SCRIB: variants seen among roughly 807,000 people sequenced by gnomAD.
The protein encoded by SCRIB is protein scribble homolog.
Under a neutral mutation model 170.0 loss-of-function variants are expected in SCRIB, and 72 were observed. That is an observed-to-expected ratio of 0.42 (90% CI 0.35 to 0.52). The LOEUF is 0.52. SCRIB is among the 20% of genes least tolerant of loss of function. The pLI, the probability that SCRIB is intolerant of heterozygous loss-of-function variation, is 0.02. For synonymous variants in SCRIB, 1,298 were observed against 1,044.3 expected, an observed-to-expected ratio of 1.24 and a Z score of -4.68; for missense variants, 2,475 against 2,338.5, an observed-to-expected ratio of 1.06 and a Z score of -1.20.
rs782128429 is a variant in SCRIB at position 143,793,976 on chromosome 8, CAGTG to C, written c.3847-18_3847-15del. 2 of 1,611,682 alleles carry C rather than the reference CAGTG, an allele frequency of 1.2e-6. No individual in the cohort carries two copies. The highest frequency in any genetic ancestry group is 1.7e-4 in the Middle Eastern group (1 of 6,036). ...TCCAGACGGTACCTGGAGGAGTAGG[CAGTG>C]GGTGGGGTGAGGATGGGCAGGGCTG... is the stretch of plus-strand genomic sequence containing the variant. On this transcript the variant is annotated splice_polypyrimidine_tract_variant and intron_variant, in intron 27 of 36. Coordinates refer to ENST00000356994, the MANE Select transcript of SCRIB (RefSeq NM_182706.5).
chr8:143,795,786 C>T lies in SCRIB; in HGVS notation c.3604-256G>A, dbSNP rs151177925. On this transcript the variant is annotated intron_variant, in intron 24 of 36. Coordinates refer to ENST00000356994, the MANE Select transcript of SCRIB (RefSeq NM_182706.5). ...TGGACGTGGTCACGTCTGCACTAGG[C>T]AAGACTGTGAAGTAGCATGATGCCT... 6.7e-3 allele frequency among the ~76,000 whole-genome samples: 1,027 copies of T among 152,298 alleles called. 13 individuals are homozygous for T. Among genetic ancestry groups the T allele is most frequent in the African/African-American group, 0.022 (922 of 41,554 alleles).
rs571194020 is a variant in SCRIB at position 143,811,290 on chromosome 8, C to T, written c.962G>A (p.Arg321Gln). The T allele has an allele frequency of 1.8e-5, 29 of 1,612,694 alleles. No homozygotes were observed. Among genetic ancestry groups the T allele is most frequent in the East Asian group, 1.3e-4 (6 of 44,876 alleles). ...GGGCGGCAGCGCCTCGAGGTGGTTC[C>T]GGTCCACGTTGAGGTTGGTCAGCTT... ...LTKLTNLNVD[R>Q]NHLEALPPEI... Residue 321 changes from arginine to glutamine, a missense_variant, in exon 10 of 37, where the codon CGG (arginine) becomes CAG (glutamine). Physicochemically the swap from Arg to Gln is conservative, Grantham distance 43. This residue lies in a region of SCRIB where 487 missense variants were observed against 558.1 expected (regional missense o/e 0.87). Coordinates refer to ENST00000356994, the MANE Select transcript of SCRIB (RefSeq NM_182706.5).
rs762917921 is a variant in SCRIB at position 143,815,321 on chromosome 8, C to G, written c.52G>C (p.Asp18His). ...GCCTGCAGCGAACAGTGCCGCTTGT[C>G]CACCGACTCCACGTGCCGGTTGCAG... Reference protein sequence around the residue: ...WRCNRHVESVDKRHCSLQAVP... With the variant: ...WRCNRHVESVHKRHCSLQAVP... The change falls in exon 1 of 37, where the codon GAC (aspartate) becomes CAC (histidine). Residue 18 changes from aspartate (D) to histidine (H), a missense_variant. Coordinates refer to ENST00000356994, the MANE Select transcript of SCRIB (RefSeq NM_182706.5). The G allele has an allele frequency of 6.4e-7, 1 of 1,574,106 alleles. No homozygotes were observed. The highest frequency in any genetic ancestry group is 1.2e-5 in the South Asian group (1 of 86,726).
intron 13 of SCRIB, 96 bp from the exon 14 acceptor site, chr8:143,809,814 C>T: frequency 7.2e-7 from 1 of 1,382,846 alleles, no homozygotes; most frequent in African/African-American, 1.4e-5. Context: ...CCCTGAGCTT[C>T]CCGCTGCCCC....
chr8:143,811,697 C>G (rs1815731940), intron 9 of SCRIB, among the ~76,000 whole-genome samples: 1 of 152,280 alleles, frequency 6.6e-6, no homozygotes, highest in African/African-American at 2.4e-5. Flanking sequence ...TAGGGCTCCC[C>G]AGGCCCCCAG....
intron 13 of SCRIB, 117 bp downstream of exon 13, chr8:143,810,361 TC>T: frequency 7.0e-7 from 1 of 1,423,314 alleles, no homozygotes; most frequent in Non-Finnish European, 9.5e-7. Context: ...GTCACCAGCC[TC>T]ATCTCCTGCT....
In SCRIB at chr8:143,792,150, G is replaced by A. The variant is rs1386305450; in HGVS notation, c.4515-17C>T. 2.6e-6 allele frequency: 4 copies of A among 1,561,248 alleles called. No homozygotes were observed. In the Admixed American group the frequency reaches 5.4e-5, roughly 21 times the overall value. On this transcript the variant is annotated splice_polypyrimidine_tract_variant and intron_variant, in intron 32 of 36. Transcript: ENST00000356994. ...GACTTCATCCTGCAGAGAACAGCGG[G>A]CAGGGGTGACTTGGGGCAGGAGCAG...
intron 28 of SCRIB, 89 bp from the exon 29 acceptor site, chr8:143,793,172 T>C (rs1477338273): frequency 8.6e-6 from 6 of 695,094 alleles, no homozygotes; most frequent in African/African-American, 1.9e-5. Flanking sequence ...CCCCCGCCTG[T>C]CCCCCCGCCT....
chr8:143,804,696 G>A lies in SCRIB; in HGVS notation c.2881C>T (p.His961Tyr), dbSNP rs781913947. 3.2e-6 allele frequency: 5 copies of A among 1,571,906 alleles called. No individual in the cohort carries two copies. Among genetic ancestry groups the A allele is most frequent in the Admixed American group, 3.5e-5 (2 of 57,418 alleles). The change falls in exon 21 of 37, where the codon CAT (histidine) becomes TAT (tyrosine). Residue 961 changes from histidine (H) to tyrosine (Y), a missense_variant. Physicochemically the swap from His to Tyr is moderately conservative, Grantham distance 83 (BLOSUM62 2). Around this residue, in one of 3 missense-constraint regions of SCRIB, gnomAD observed 1,966 missense variants for 1,742.9 expected, o/e 1.13. Coordinates refer to ENST00000356994, the MANE Select transcript of SCRIB (RefSeq NM_182706.5). ...ACAGCAGCGGTGGGGGGTGAGGAAT[G>A]TGGCAGAGGGCTGGGAGGAAGAGGG... ...GGPLPPSPLP[H>Y]SSPPTAAVAT...
At chr8:143,811,875 G>C (rs1373818938) in intron 9 of SCRIB, among the ~76,000 whole-genome samples, 1 of 152,120 alleles carries the variant, frequency 6.6e-6, no homozygotes, top group Admixed American at 6.5e-5. Context: ...CCACCGTCCC[G>C]AACCGTGGCC....
At chr8:143,801,761 C>T (rs1259813157) in intron 24 of SCRIB, among the ~76,000 whole-genome samples, 7 of 152,152 alleles carry the variant, frequency 4.6e-5, no homozygotes, top group African/African-American at 9.7e-5. Flanking sequence ...CCCCACTGCT[C>T]GGGACCCCTG....
chr8:143,806,168 G>A (rs367815861), intron 18 of SCRIB, among the ~76,000 whole-genome samples: 4 of 152,184 alleles, frequency 2.6e-5, no homozygotes, highest in Admixed American at 1.3e-4. Flanking sequence ...ACAGAACAAA[G>A]ATGAGCAATC....
Position 143,813,222 on chromosome 8 carries a change from C to T in SCRIB, c.567+89G>A, listed in dbSNP as rs946444360. 4.0e-5 allele frequency: 63 copies of T among 1,594,288 alleles called. 2 individuals carry two copies. In the South Asian group the frequency reaches 6.5e-4, roughly 16 times the overall value. On this transcript the variant is annotated intron_variant, in intron 6 of 36. Coordinates refer to ENST00000356994, the MANE Select transcript of SCRIB (RefSeq NM_182706.5). ...ACCCGCCTGCCCTCCCGAGGTGCCC[C>T]TTGCTGTCGGATCTGCTCGCTGTCC...
rs1053423759 is a variant in SCRIB, at chr8:143,810,609, T to G, written c.1405-5A>C. Reference sequence around the variant, plus strand: ...TGTGGCCCGGCGCTGTAGGCCCTGTTGTAGGGACAAGGATGAGCAGCAGCC... The same window carrying G: ...TGTGGCCCGGCGCTGTAGGCCCTGTGGTAGGGACAAGGATGAGCAGCAGCC... On this transcript the variant is annotated splice_region_variant and splice_polypyrimidine_tract_variant and intron_variant, in intron 12 of 36. Transcript: ENST00000356994. The G allele has an allele frequency of 6.2e-7, 1 of 1,613,048 alleles. No individual in the cohort carries two copies.
chr8:143,815,564 G>C lies in SCRIB; in HGVS notation c.-192C>G. 2 of 980,198 alleles carry C rather than the reference G, an allele frequency of 2.0e-6. No homozygotes were observed. Among genetic ancestry groups the C allele is most frequent in the Non-Finnish European group, 2.4e-6 (2 of 827,930 alleles). 60.7% of individuals were successfully genotyped at this position (980,198 alleles called of 1,614,324 possible). A position where few individuals can be genotyped will look rare whatever the true frequency, so the allele number is the denominator to read the frequency against. ...CGCGCTCGGAACGCTCGGACTGCGG[G>C]CCTGGGCAGGGGGCGCGGCCCGGCG... is the stretch of plus-strand genomic sequence containing the variant. On this transcript the variant is annotated 5_prime_UTR_variant, in exon 1 of 37. Transcript: ENST00000356994.
In SCRIB at chr8:143,791,913, T is replaced by C. The variant is rs370457362; in HGVS notation, c.4658A>G (p.Asp1553Gly). 9.0e-6 allele frequency: 13 copies of C among 1,449,302 alleles called. No individual in the cohort carries two copies. Among genetic ancestry groups the C allele is most frequent in the Non-Finnish European group, 1.2e-5 (13 of 1,094,500 alleles). The allele number at this position is 1,449,302 out of a possible 1,614,324, so 89.8% of individuals were successfully genotyped here. A position where few individuals can be genotyped will look rare whatever the true frequency, so the allele number is the denominator to read the frequency against. ...APTPSPTPVE[D>G]LGPQTSTSPG... ...GGAGGTGCTGGTCTGGGGGCCGAGG[T>C]CTGGGGGGACAAGAAGCGGGCATTG... Residue 1553 changes from aspartate to glycine, a missense_variant and splice_region_variant, in exon 34 of 37, where the codon GAC (aspartate) becomes GGC (glycine). Asp to Gly is a moderately conservative substitution (Grantham distance 94). This residue lies in a region of SCRIB where 1,966 missense variants were observed against 1,742.9 expected (regional missense o/e 1.13). Coordinates refer to ENST00000356994, the MANE Select transcript of SCRIB (RefSeq NM_182706.5).
At chr8:143,800,014 G>A (rs1554634699) in intron 24 of SCRIB, among the ~76,000 whole-genome samples, 1 of 151,898 alleles carries the variant, frequency 6.6e-6, no homozygotes, top group Non-Finnish European at 1.5e-5. Flanking sequence ...AATGGGGAAG[G>A]GTCATGAATT....
intron 21 of SCRIB, 69 bp from the exon 22 acceptor site, chr8:143,804,225 A>G: frequency 8.3e-7 from 1 of 1,197,906 alleles, no homozygotes; most frequent in Non-Finnish European, 1.2e-6. Context: ...AGGGCTCCCA[A>G]GAGTCCGTCC....
intron 24 of SCRIB, among the ~76,000 whole-genome samples, chr8:143,798,447 G>A (rs1170906862): frequency 6.6e-6 from 1 of 152,016 alleles, no homozygotes; most frequent in Non-Finnish European, 1.5e-5. Flanking sequence ...CCCTCTCCAC[G>A]CTCCTGCTCT....
Sources: allele counts gnomAD v4.1 joint callset (sites outside exome capture counted in the v4.1 genomes callset), GRCh38; gene constraint gnomAD v4.1.1; regional missense constraint gnomAD v4.1.1; transcripts MANE v1.5; gene names NCBI Gene and HGNC (gene_info 2026-07-23, HGNC 2026-07-21).